The following KHDRBS2 variants were observed in gnomAD, a reference collection of about 807,000 sequenced individuals.
KHDRBS2 encodes the protein KH domain-containing, RNA-binding, signal transduction-associated protein 2.
Under a neutral mutation model 44.3 loss-of-function variants are expected in KHDRBS2, and 26 were observed. The ratio of observed to expected loss-of-function variants is 0.59; its 90% CI spans 0.43 to 0.81. The LOEUF (loss-of-function observed/expected upper bound fraction) is 0.81. KHDRBS2 is among the 40% of genes least tolerant of loss of function. The probability of loss-of-function intolerance (pLI) is 0.00; values close to 1 mark genes in which losing one functional copy is unlikely to be tolerated. For missense variants in KHDRBS2, 476 were observed against 433.1 expected (o/e 1.10, Z -0.88); for synonymous variants, 194 against 151.1 (o/e 1.28, Z -2.08).
At chr6:62,233,863 C>T (rs1413843123) in intron 1 of KHDRBS2, among the ~76,000 whole-genome samples, 8 of 152,088 alleles carry the variant, frequency 5.3e-5, no homozygotes, top group African/African-American at 1.7e-4. Context: ...ATATGTACCA[C>T]ATTTCCTTCA....
intron 6 of KHDRBS2, among the ~76,000 whole-genome samples, chr6:61,745,662 C>T (rs1015240092): frequency 6.6e-6 from 1 of 151,930 alleles, no homozygotes; most frequent in African/African-American, 2.4e-5. Flanking sequence ...TTTTTCACTT[C>T]TAAGTACCAA....
At chr6:62,258,579 A>G (rs1837809197) in intron 1 of KHDRBS2, among the ~76,000 whole-genome samples, 1 of 152,036 alleles carries the variant, frequency 6.6e-6, no homozygotes, top group African/African-American at 2.4e-5. Context: ...CTGATGTTCA[A>G]TGTACATAAA....
chr6:62,201,102 G>A (rs1358401483), intron 1 of KHDRBS2, among the ~76,000 whole-genome samples: 3 of 152,142 alleles, frequency 2.0e-5, no homozygotes, highest in African/African-American at 7.2e-5. Context: ...GGGGAGCAGG[G>A]AGAGATAGCA....
chr6:61,798,137 C>T (rs774485223), intron 6 of KHDRBS2, among the ~76,000 whole-genome samples: 7 of 152,032 alleles, frequency 4.6e-5, no homozygotes, highest in African/African-American at 1.2e-4. Flanking sequence ...TTCTGTTCTG[C>T]GTTAATTTGC....
chr6:61,723,075 TG>T (rs2127556479), intron 7 of KHDRBS2, among the ~76,000 whole-genome samples: 1 of 152,122 alleles, frequency 6.6e-6, no homozygotes, highest in African/African-American at 2.4e-5. Flanking sequence ...CCTTCAGGTA[TG>T]GGAAAAACTG....
intron 4 of KHDRBS2, among the ~76,000 whole-genome samples, chr6:61,951,524 C>T (rs1302123752): frequency 6.6e-6 from 1 of 152,040 alleles, no homozygotes; most frequent in Non-Finnish European, 1.5e-5. Context: ...TAAGATTATG[C>T]CTCCTAACAT....
At chr6:62,076,900 C>T (rs1562801983) in intron 2 of KHDRBS2, among the ~76,000 whole-genome samples, 1 of 151,770 alleles carries the variant, frequency 6.6e-6, no homozygotes, top group Non-Finnish European at 1.5e-5. Context: ...TAAAAATTAG[C>T]CAGGTGTGGT....
intron 7 of KHDRBS2, among the ~76,000 whole-genome samples, chr6:61,707,533 C>A (rs966823766): frequency 6.6e-6 from 1 of 151,676 alleles, no homozygotes; most frequent in African/African-American, 2.4e-5. Context: ...ATGCTAAAAG[C>A]CAATTATTTT....
chr6:61,963,991 A>G lies in KHDRBS2; in HGVS notation c.483+14075T>C, dbSNP rs113954397. Among the ~76,000 whole-genome samples, 1,254 of 152,172 alleles carry G rather than the reference A, an allele frequency of 8.2e-3. 8 individuals carry two copies. The highest frequency in any genetic ancestry group is 0.017 in the Middle Eastern group (5 of 294). On this transcript the variant is annotated intron_variant, in intron 4 of 8. Coordinates refer to ENST00000281156, the MANE Select transcript of KHDRBS2 (RefSeq NM_152688.4). The stretch of plus-strand genomic sequence containing the variant: ...AGATTCTCATCTTGTTCCCAAAGGA[A>G]TGACCAGTTTTAATTCTGTTTTCCA...
the KHDRBS2 span, among the ~76,000 whole-genome samples, chr6:61,631,271 C>T: frequency 8.8e-6 from 1 of 113,200 alleles, no homozygotes; most frequent in Non-Finnish European, 1.7e-5. Flanking sequence ...CCTAAGGAAA[C>T]TTATATCTTT....
intron 1 of KHDRBS2, among the ~76,000 whole-genome samples, chr6:62,238,685 T>TAC (rs1412041309): frequency 8.7e-4 from 102 of 117,478 alleles, no homozygotes; most frequent in East Asian, 3.3e-3. Context: ...TTAAGTTTTA[T>TAC]ATACACACAC....
chr6:61,986,156 G>A (rs961166082), intron 3 of KHDRBS2, among the ~76,000 whole-genome samples: 3 of 152,034 alleles, frequency 2.0e-5, no homozygotes, highest in South Asian at 4.1e-4. Context: ...GGGAGACTGC[G>A]GACCTCTCAT....
chr6:62,097,110 T>G (rs1299471972), intron 2 of KHDRBS2, among the ~76,000 whole-genome samples: 1 of 151,940 alleles, frequency 6.6e-6, no homozygotes, highest in Non-Finnish European at 1.5e-5. Flanking sequence ...TAATTTTGTT[T>G]TTTTTTTTAA....
intron 6 of KHDRBS2, among the ~76,000 whole-genome samples, chr6:61,788,429 A>G (rs1306819122): frequency 6.6e-6 from 1 of 151,434 alleles, no homozygotes; most frequent in Admixed American, 6.6e-5. Context: ...CTGGGGTTCT[A>G]ATGTTGCTTT....
At chr6:61,600,184 A>T in the KHDRBS2 span, among the ~76,000 whole-genome samples, 1 of 152,174 alleles carries the variant, frequency 6.6e-6, no homozygotes, top group African/African-American at 2.4e-5. Context: ...ATGAGTGGTA[A>T]GTGTCAGGCC....
intron 2 of KHDRBS2, among the ~76,000 whole-genome samples, chr6:62,091,286 T>TA (rs1414033249): frequency 1.9e-5 from 1 of 52,908 alleles, no homozygotes; most frequent in African/African-American, 1.9e-4. Flanking sequence ...CAGTATTTTT[T>TA]ATTTTTCATT....
chr6:62,214,880 G>T (rs1829711545), intron 1 of KHDRBS2, among the ~76,000 whole-genome samples: 1 of 151,914 alleles, frequency 6.6e-6, no homozygotes, highest in Admixed American at 6.6e-5. Flanking sequence ...GAAAGCTTTT[G>T]TCTCTTCTAT....
At chr6:61,693,662 T>C (rs1212171174) in intron 8 of KHDRBS2, among the ~76,000 whole-genome samples, 11 of 152,156 alleles carry the variant, frequency 7.2e-5, no homozygotes, top group Admixed American at 7.2e-4. Context: ...GAAGAATTTA[T>C]TGGCTACTTT....
intron 1 of KHDRBS2, among the ~76,000 whole-genome samples, chr6:62,232,215 G>A (rs555305807): frequency 2.0e-5 from 3 of 152,128 alleles, no homozygotes; most frequent in African/African-American, 7.2e-5. Flanking sequence ...TATTATGTTA[G>A]GTATCTAGAC....
Sources: allele counts gnomAD v4.1 joint callset (sites outside exome capture counted in the v4.1 genomes callset), GRCh38; gene constraint gnomAD v4.1.1; transcripts MANE v1.5; gene names NCBI Gene and HGNC (gene_info 2026-07-23, HGNC 2026-07-21).